The following DSCAM variants were observed in gnomAD, a reference collection of about 807,000 sequenced individuals.
DSCAM encodes cell adhesion molecule DSCAM.
DSCAM carries 47 observed loss-of-function variants against 217.7 expected under a neutral mutation model. The observed-to-expected ratio is 0.22, with a 90% CI of 0.17 to 0.28. The LOEUF (loss-of-function observed/expected upper bound fraction) is 0.28. Ranked by LOEUF, DSCAM falls within the 10% of genes least tolerant of loss-of-function variation. The pLI is 1.00. For synonymous variants in DSCAM, 1,056 were observed against 1,015.3 expected (o/e 1.04, Z -0.76); for missense variants, 2,080 against 2,618.3 (o/e 0.79, Z 4.49).
At chr21:40,447,661 A>G (rs2075685709) in intron 3 of DSCAM, among the ~76,000 whole-genome samples, 1 of 152,242 alleles carries the variant, frequency 6.6e-6, no homozygotes, top group Non-Finnish European at 1.5e-5. Flanking sequence ...ATAACTCCTT[A>G]CTGTGGTTAT....
chr21:40,115,315 G>GA (rs1237232669), intron 20 of DSCAM, among the ~76,000 whole-genome samples: 1 of 151,894 alleles, frequency 6.6e-6, no homozygotes, highest in African/African-American at 2.4e-5. Flanking sequence ...ATCGCAAGGA[G>GA]AAAAAACCAA....
At chr21:40,389,982 T>A (rs2075119444) in intron 3 of DSCAM, among the ~76,000 whole-genome samples, 2 of 152,216 alleles carry the variant, frequency 1.3e-5, no homozygotes. Flanking sequence ...TCATTGAGAA[T>A]AAGCCTCCTT....
chr21:40,691,839 T>C (rs2090540728), intron 3 of DSCAM, among the ~76,000 whole-genome samples: 1 of 152,234 alleles, frequency 6.6e-6, no homozygotes, highest in Non-Finnish European at 1.5e-5. Flanking sequence ...TAAATGCCTC[T>C]GGTGGTGGTG....
chr21:40,532,868 CTGTGTGTGTGTGTGTGTGTG>C (rs58575678), intron 3 of DSCAM, among the ~76,000 whole-genome samples: 3 of 145,918 alleles, frequency 2.1e-5, no homozygotes, highest in East Asian at 4.1e-4. Flanking sequence ...CCACAAGGCT[CTGTGTGTGTGTGTGTGTGTG>C]TGTGTGTGTG....
chr21:40,574,251 T>C (rs2076831407), intron 3 of DSCAM, among the ~76,000 whole-genome samples: 1 of 152,220 alleles, frequency 6.6e-6, no homozygotes, highest in Non-Finnish European at 1.5e-5. Context: ...AATTGGATGC[T>C]ATAAACTTAA....
At chr21:40,031,738 C>A (rs1318103303) in intron 32 of DSCAM, among the ~76,000 whole-genome samples, 3 of 152,148 alleles carry the variant, frequency 2.0e-5, no homozygotes, top group Non-Finnish European at 4.4e-5. Context: ...CAGCAAAGAC[C>A]ATCGTCTTCC....
intron 9 of DSCAM, among the ~76,000 whole-genome samples, chr21:40,301,380 T>C (rs1297121941): frequency 6.6e-6 from 1 of 152,238 alleles, no homozygotes; most frequent in Non-Finnish European, 1.5e-5. Flanking sequence ...ATTCTCCTCT[T>C]GCAGGCTTTG....
intron 3 of DSCAM, among the ~76,000 whole-genome samples, chr21:40,459,824 A>C (rs1364219610): frequency 6.6e-6 from 1 of 152,220 alleles, no homozygotes. Context: ...CACCCAAAAA[A>C]AAAGAATAAA....
chr21:40,689,503 C>G (rs1226129224), intron 3 of DSCAM, among the ~76,000 whole-genome samples: 1 of 152,208 alleles, frequency 6.6e-6, no homozygotes, highest in Admixed American at 6.5e-5. Context: ...CTCAGCTATC[C>G]TAGGTCAACT....
chr21:40,167,179 G>A, intron 16 of DSCAM, 39 bp downstream of exon 16: 2 of 1,587,574 alleles, frequency 1.3e-6, no homozygotes, highest in Non-Finnish European at 1.7e-6. Context: ...CTCGCCCTGG[G>A]GGGAAAGCAC....
intron 3 of DSCAM, among the ~76,000 whole-genome samples, chr21:40,553,856 A>G (rs1386340970): frequency 6.6e-6 from 1 of 152,170 alleles, no homozygotes; most frequent in Non-Finnish European, 1.5e-5. Flanking sequence ...ATGAAAGATC[A>G]CCTAGTTCCA....
At chr21:40,647,922 A>G (rs1249378198) in intron 3 of DSCAM, among the ~76,000 whole-genome samples, 1 of 152,206 alleles carries the variant, frequency 6.6e-6, no homozygotes, top group East Asian at 1.9e-4. Flanking sequence ...TGAATGTGCC[A>G]AACAGTGACG....
intron 3 of DSCAM, among the ~76,000 whole-genome samples, chr21:40,580,165 T>A (rs969167774): frequency 1.3e-5 from 2 of 151,224 alleles, no homozygotes; most frequent in Non-Finnish European, 2.9e-5. Flanking sequence ...CACTGCAAGC[T>A]CTGCCTCCCG....
chr21:40,559,854 G>T (rs934135841), intron 3 of DSCAM, among the ~76,000 whole-genome samples: 2 of 146,556 alleles, frequency 1.4e-5, no homozygotes, highest in African/African-American at 5.1e-5. Context: ...GTGCAGTGGC[G>T]CGATCTCGGC....
At chr21:40,473,453 A>T (rs973041814) in intron 3 of DSCAM, among the ~76,000 whole-genome samples, 1 of 152,210 alleles carries the variant, frequency 6.6e-6, no homozygotes, top group Non-Finnish European at 1.5e-5. Context: ...ATGCTTTCCA[A>T]CATGATAGAC....
In DSCAM at chr21:40,620,086, AAGAG is replaced by A. The variant is rs1310786519; in HGVS notation, c.508+72720_508+72723del. The stretch of plus-strand genomic sequence containing the variant: ...AAGAAAGAGAGAAAGAGAAAAAAGA[AAGAG>A]AGAGAAAGAGAGAGAAAAAAGAAAA... On this transcript the variant is annotated intron_variant, in intron 3 of 32. Transcript: ENST00000400454. 3.7e-4 allele frequency among the ~76,000 whole-genome samples: 27 copies of A among 72,550 alleles called. 2 individuals carry two copies. The highest frequency in any genetic ancestry group is 6.2e-4 in the South Asian group (1 of 1,618). The allele number at this position is 72,550 out of a possible 152,430, so 47.6% of individuals were successfully genotyped here.
At position 40,178,809 on chromosome 21, in the gene DSCAM, C is replaced by T. The variant is rs1018140841; in HGVS notation, c.2947+118G>A. ...ATAGGGCACAGAACTACGGAGAGCA[C>T]GCATCAAAGACCTCCGCCTAGCACG... On this transcript the variant is annotated intron_variant, in intron 15 of 32. Transcript: ENST00000400454. 21 of 1,220,400 alleles carry T rather than the reference C, an allele frequency of 1.7e-5. No homozygotes were observed. The Admixed American group carries it at 2.7e-4, about 16-fold the overall frequency. The allele number at this position is 1,220,400 out of a possible 1,614,324, so 75.6% of individuals were successfully genotyped here.
chr21:40,777,463 A>C (rs1380951534), intron 1 of DSCAM, among the ~76,000 whole-genome samples: 1 of 152,230 alleles, frequency 6.6e-6, no homozygotes, highest in East Asian at 1.9e-4. Context: ...CAGATATTCA[A>C]GGAATGCTTG....
At chr21:40,561,708 G>T (rs2076721705) in intron 3 of DSCAM, among the ~76,000 whole-genome samples, 2 of 152,080 alleles carry the variant, frequency 1.3e-5, no homozygotes, top group African/African-American at 4.8e-5. Flanking sequence ...TCTGAGCCCA[G>T]ATCTCCCAAC....
Sources: gnomAD v4.1 joint callset for allele counts (sites outside exome capture counted in the v4.1 genomes callset) on GRCh38, gnomAD v4.1.1 for gene constraint, MANE v1.5 for transcripts, NCBI Gene and HGNC (gene_info 2026-07-23, HGNC 2026-07-21) for gene names.